Variants in CACNA2D2 observed in about 807,000 individuals in gnomAD.
The protein encoded by CACNA2D2 is voltage-dependent calcium channel subunit alpha-2/delta-2.
A neutral mutation model predicts 166.4 loss-of-function variants in CACNA2D2; 48 were observed. The observed-to-expected ratio is 0.29, with a 90% CI of 0.23 to 0.37. The LOEUF (loss-of-function observed/expected upper bound fraction) is 0.37. Among genes scored for constraint, CACNA2D2 ranks in the 10% least tolerant of loss-of-function variants. The pLI, the probability that CACNA2D2 is intolerant of heterozygous loss-of-function variation, is 1.00. For missense variants in CACNA2D2, 1,122 were observed against 1,433.0 expected (o/e 0.78, Z 3.50); for synonymous variants, 561 against 573.7 (o/e 0.98, Z 0.32).
intron 3 of CACNA2D2, among the ~76,000 whole-genome samples, chr3:50,420,222 G>T (rs956495569): frequency 1.3e-5 from 2 of 152,252 alleles, no homozygotes; most frequent in Admixed American, 6.5e-5. Context: ...GGGCAGCAAG[G>T]GGGAGAGCAG....
At chr3:50,387,860 C>G (rs1463675104) in intron 4 of CACNA2D2, among the ~76,000 whole-genome samples, 1 of 152,190 alleles carries the variant, frequency 6.6e-6, no homozygotes, top group African/African-American at 2.4e-5. Flanking sequence ...ATTCCCTGGG[C>G]CTTCCTAACT....
intron 2 of CACNA2D2, among the ~76,000 whole-genome samples, chr3:50,442,810 T>C (rs1708661702): frequency 6.6e-6 from 1 of 152,104 alleles, no homozygotes; most frequent in Non-Finnish European, 1.5e-5. Flanking sequence ...TGGACCCCAC[T>C]GGAGGGGCAT....
At chr3:50,454,798 G>T (rs897416427) in intron 2 of CACNA2D2, among the ~76,000 whole-genome samples, 1 of 152,134 alleles carries the variant, frequency 6.6e-6, no homozygotes, top group Admixed American at 6.5e-5. Context: ...CACTGCCTGG[G>T]CCAGCCTCTG....
Position 50,367,820 on chromosome 3 carries a change from A to T in CACNA2D2, c.2226T>A (p.Asp742Glu), listed in dbSNP as rs1311949403. Residue 742 changes from aspartate (D) to glutamate (E), a missense_variant, in exon 25 of 38, where the codon GAT (aspartate) becomes GAA (glutamate). Asp to Glu is a conservative substitution (Grantham distance 45). This residue lies in a region of CACNA2D2 where 840 missense variants were observed against 1,166.8 expected (regional missense o/e 0.72). Transcript: ENST00000424201. This position sits in a 1 kb window ranked among gnomAD's most constrained non-coding sequence, Gnocchi z 6.5. ...GGCTGGGTGATGCCTACGTGTTGAG[A>T]TCCTGGTCCCTCCACACACGCTCTA... Reference protein sequence around the residue: ...QLVERVWRDQDLNTYSLLAVF... With the variant: ...QLVERVWRDQELNTYSLLAVF... 3 of 1,609,518 alleles carry T rather than the reference A, an allele frequency of 1.9e-6. No individual in the cohort carries two copies. Among genetic ancestry groups the T allele is most frequent in the Non-Finnish European group, 1.7e-6 (2 of 1,178,726 alleles).
chr3:50,409,891 G>C (rs1290641043), intron 3 of CACNA2D2, among the ~76,000 whole-genome samples: 1 of 152,188 alleles, frequency 6.6e-6, no homozygotes, highest in African/African-American at 2.4e-5. Flanking sequence ...TCCAAGCTCT[G>C]CCTCAGATTC....
intron 2 of CACNA2D2, among the ~76,000 whole-genome samples, chr3:50,475,056 C>T (rs1453714888): frequency 6.6e-6 from 1 of 152,138 alleles, no homozygotes; most frequent in Non-Finnish European, 1.5e-5. Context: ...CATGACCAGC[C>T]CCAGCCTGTG....
intron 1 of CACNA2D2, among the ~76,000 whole-genome samples, chr3:50,480,863 C>T (rs1448184828): frequency 4.9e-4 from 1 of 2,028 alleles, no homozygotes; most frequent in African/African-American, 3.0e-3. Context: ...GGTACGGGAA[C>T]GGGAACAGGG....
chr3:50,466,531 GTTAC>G (rs1219116585), intron 2 of CACNA2D2, among the ~76,000 whole-genome samples: 3 of 152,156 alleles, frequency 2.0e-5, no homozygotes, highest in Non-Finnish European at 4.4e-5. Flanking sequence ...ACGCTCACAT[GTTAC>G]TTACAGCACT....
At chr3:50,435,414 A>C (rs940548125) in intron 2 of CACNA2D2, among the ~76,000 whole-genome samples, 1 of 151,842 alleles carries the variant, frequency 6.6e-6, no homozygotes, top group Non-Finnish European at 1.5e-5. Flanking sequence ...TCTGTGCCCC[A>C]AGTACAGGCT....
chr3:50,463,933 C>G (rs867832619), intron 2 of CACNA2D2, among the ~76,000 whole-genome samples: 1 of 152,226 alleles, frequency 6.6e-6, no homozygotes, highest in African/African-American at 2.4e-5. Flanking sequence ...TGAAGCCCAG[C>G]GCACCTGGCT....
At chr3:50,469,771 C>G (rs898783311) in intron 2 of CACNA2D2, among the ~76,000 whole-genome samples, 12 of 152,216 alleles carry the variant, frequency 7.9e-5, no homozygotes, top group African/African-American at 2.4e-4. Context: ...CCAGCTATTG[C>G]CCCTGGCACA....
rs1704091355 is a variant in CACNA2D2 at position 50,364,331 on chromosome 3, C to G, written c.*335G>C. On this transcript the variant is annotated 3_prime_UTR_variant, in exon 38 of 38. Transcript: ENST00000424201. ...GAGGCAGGGTCCCCCCCAACATAGG[C>G]AGCCTCCAGGAAGGGCGGCAGCAGA... The G allele has an allele frequency of 3.1e-6, 1 of 321,542 alleles. No homozygotes were observed. The highest frequency in any genetic ancestry group is 9.1e-5 in the South Asian group (1 of 11,002). 19.9% of individuals were successfully genotyped at this position (321,542 alleles called of 1,614,324 possible). A position where few individuals can be genotyped will look rare whatever the true frequency, so the allele number is the denominator to read the frequency against.
rs750788461 is a variant in CACNA2D2, at chr3:50,375,767, G to T, written c.1845+42C>A. ...AGGCAGGGGGCGCTGGGGTAGAAGG[G>T]TGCCCACCCTGACTCCCTGGCCCCC... On this transcript the variant is annotated intron_variant, in intron 20 of 37. Transcript: ENST00000424201. The surrounding 1 kb of genome is among the most constrained non-coding windows in gnomAD (Gnocchi z 4.0). The T allele has an allele frequency of 2.5e-6, 4 of 1,612,858 alleles. No individual in the cohort carries two copies. Among genetic ancestry groups the T allele is most frequent in the South Asian group, 1.1e-5 (1 of 91,078 alleles).
At chr3:50,394,937 G>C (rs72936957) in intron 3 of CACNA2D2, among the ~76,000 whole-genome samples, 1 of 152,180 alleles carries the variant, frequency 6.6e-6, no homozygotes, top group African/African-American at 2.4e-5. Context: ...GCAGTGCTGT[G>C]GGGGCTCGGG....
intron 22 of CACNA2D2, among the ~76,000 whole-genome samples, chr3:50,373,758 G>A (rs1363416628): frequency 2.2e-5 from 3 of 135,804 alleles, no homozygotes; most frequent in African/African-American, 5.7e-5. Flanking sequence ...AGGACAGTGC[G>A]TAAGGGAGGG....
intron 2 of CACNA2D2, among the ~76,000 whole-genome samples, chr3:50,436,910 C>T (rs976772825): frequency 2.6e-5 from 4 of 152,176 alleles, no homozygotes; most frequent in South Asian, 2.1e-4. Flanking sequence ...TCCTTGTCTC[C>T]GACACCTTAG....
At position 50,428,109 on chromosome 3, in the gene CACNA2D2, C is replaced by CCCGT. The variant is rs1707888467; in HGVS notation, c.405+6203_405+6204insACGG. Among the ~76,000 whole-genome samples, 7 of 152,194 alleles carry CCCGT rather than the reference C, an allele frequency of 4.6e-5. No homozygotes were observed. In the South Asian group the frequency reaches 1.5e-3, roughly 32 times the overall value. On this transcript the variant is annotated intron_variant, in intron 3 of 37. Transcript: ENST00000424201. ...GTCCCGTTAGGCCAGTGGTTCTCAA[C>CCCGT]TGGGGCAACTTTGCCCCCAGGCAAC...
intron 1 of CACNA2D2, among the ~76,000 whole-genome samples, chr3:50,494,883 C>T (rs1698661858): frequency 6.6e-6 from 1 of 151,948 alleles, no homozygotes; most frequent in Non-Finnish European, 1.5e-5. Flanking sequence ...GCCATGTTGC[C>T]CAGGCTGATC....
intron 1 of CACNA2D2, among the ~76,000 whole-genome samples, chr3:50,487,896 G>T (rs766141616): frequency 1.6e-4 from 25 of 152,116 alleles, no homozygotes; most frequent in Non-Finnish European, 3.2e-4. Context: ...ACCTACTATG[G>T]GCACCTGGGA....
Sources: gnomAD v4.1 joint callset for allele counts (sites outside exome capture counted in the v4.1 genomes callset) on GRCh38, gnomAD v4.1.1 for gene constraint, gnomAD v4.1.1 regional missense constraint, Gnocchi (gnomAD v3.1) non-coding constraint, MANE v1.5 for transcripts, NCBI Gene and HGNC (gene_info 2026-07-23, HGNC 2026-07-21) for gene names.